Variants in ADAMTS17 observed in about 807,000 individuals in gnomAD.
ADAMTS17 encodes the protein A disintegrin and metalloproteinase with thrombospondin motifs 17.
A neutral mutation model predicts 141.5 loss-of-function variants in ADAMTS17; 113 were observed. The ratio of observed to expected loss-of-function variants is 0.80; its 90% CI spans 0.69 to 0.93. ADAMTS17 has a LOEUF of 0.93. ADAMTS17 is among the 40% of genes least tolerant of loss of function. The probability of loss-of-function intolerance (pLI) is 0.00; values close to 1 mark genes in which losing one functional copy is unlikely to be tolerated. For synonymous variants in ADAMTS17, 768 were observed against 630.6 expected, an observed-to-expected ratio of 1.22 and a Z score of -3.27; for missense variants, 1,659 against 1,517.9, an observed-to-expected ratio of 1.09 and a Z score of -1.54.
chr15:100,061,961 T>C (rs2033154247), intron 15 of ADAMTS17, among the ~76,000 whole-genome samples: 1 of 152,228 alleles, frequency 6.6e-6, no homozygotes, highest in East Asian at 1.9e-4. Flanking sequence ...CCAATGCAAA[T>C]GCTGGTGAGG....
intron 7 of ADAMTS17, among the ~76,000 whole-genome samples, chr15:100,200,514 C>T (rs941843237): frequency 6.6e-6 from 1 of 152,112 alleles, no homozygotes; most frequent in African/African-American, 2.4e-5. Context: ...CTTATCTCAA[C>T]AGGGCTCGCT....
chr15:100,069,438 T>C (rs1596340648), intron 15 of ADAMTS17, among the ~76,000 whole-genome samples: 2 of 152,150 alleles, frequency 1.3e-5, no homozygotes, highest in South Asian at 4.1e-4. Context: ...AGACACATAA[T>C]TGTCAGATTC....
intron 7 of ADAMTS17, among the ~76,000 whole-genome samples, chr15:100,210,373 G>A (rs1419736963): frequency 6.6e-6 from 1 of 151,528 alleles, no homozygotes; most frequent in Non-Finnish European, 1.5e-5. Context: ...AGAGTCCCAT[G>A]CGGGATCTCA....
intron 18 of ADAMTS17, among the ~76,000 whole-genome samples, chr15:100,048,487 T>A (rs562709797): frequency 3.8e-5 from 5 of 133,094 alleles, no homozygotes; most frequent in Admixed American, 3.1e-4. Flanking sequence ...TTAGCCTGTG[T>A]GCACCTTTCT....
At chr15:100,179,728 A>G (rs2040459818) in intron 8 of ADAMTS17, among the ~76,000 whole-genome samples, 1 of 152,210 alleles carries the variant, frequency 6.6e-6, no homozygotes, top group Non-Finnish European at 1.5e-5. Flanking sequence ...CTTTTGGATA[A>G]AAGCCTTTAT....
chr15:100,198,949 A>G (rs1356769402), intron 8 of ADAMTS17, among the ~76,000 whole-genome samples: 3 of 152,268 alleles, frequency 2.0e-5, no homozygotes, highest in African/African-American at 7.2e-5. Flanking sequence ...AGACATGGAA[A>G]GTCAACAGTA....
chr15:100,202,984 T>G (rs1331231051), intron 7 of ADAMTS17, among the ~76,000 whole-genome samples: 1 of 138,592 alleles, frequency 7.2e-6, no homozygotes, highest in Non-Finnish European at 1.5e-5. Context: ...TATTTAAAAA[T>G]TTTTAAAAAC....
At chr15:100,072,709 G>A (rs932578201) in intron 15 of ADAMTS17, among the ~76,000 whole-genome samples, 65 of 152,278 alleles carry the variant, frequency 4.3e-4, no homozygotes, top group African/African-American at 1.6e-3. Flanking sequence ...GCCATATGTA[G>A]AAAGCTGAAA....
chr15:100,139,932 T>C (rs1484114539), intron 10 of ADAMTS17, among the ~76,000 whole-genome samples: 1 of 152,220 alleles, frequency 6.6e-6, no homozygotes, highest in Non-Finnish European at 1.5e-5. Flanking sequence ...AATAGTATTG[T>C]ACCAAGCTTA....
chr15:100,315,465 A>G (rs2045535532), intron 3 of ADAMTS17, among the ~76,000 whole-genome samples: 1 of 150,118 alleles, frequency 6.7e-6, no homozygotes, highest in Admixed American at 6.6e-5. Flanking sequence ...AGGGCTTAAC[A>G]CAGCATAAAG....
At chr15:99,982,564 T>TGAG (rs1261192959) in intron 20 of ADAMTS17, among the ~76,000 whole-genome samples, 15 of 152,202 alleles carry the variant, frequency 9.9e-5, no homozygotes, top group Non-Finnish European at 1.9e-4. Flanking sequence ...AATTGAACAG[T>TGAG]GAGGAGACTG....
chr15:100,330,996 T>C lies in ADAMTS17; in HGVS notation c.509A>G (p.Gln170Arg), dbSNP rs779009106. 3 of 1,614,026 alleles carry C rather than the reference T, an allele frequency of 1.9e-6. No homozygotes were observed. The highest frequency in any genetic ancestry group is 1.6e-4 in the Middle Eastern group (1 of 6,084). ...ATGTTCTCGTCCACTGAATGGGCCC[T>C]GGGAGTTGTTGAGGGGCTGGATTAG... ...QVLIQPLNNS[Q>R]GPFSGREHLI... is the part of the protein sequence containing the mutation. The change falls in exon 3 of 22, where the codon CAG (glutamine) becomes CGG (arginine). Residue 170 changes from glutamine to arginine, a missense_variant. By Grantham distance (43) the Gln-to-Arg change is conservative. Transcript: ENST00000268070.
chr15:100,290,130 C>T (rs2044580530), intron 3 of ADAMTS17, among the ~76,000 whole-genome samples: 1 of 152,086 alleles, frequency 6.6e-6, no homozygotes, highest in African/African-American at 2.4e-5. Context: ...TCTCTACCCC[C>T]AAAAGCTCCT....
chr15:100,029,927 C>G (rs983870546), intron 18 of ADAMTS17, among the ~76,000 whole-genome samples: 1 of 152,218 alleles, frequency 6.6e-6, no homozygotes, highest in Non-Finnish European at 1.5e-5. Context: ...TCTGGATGTA[C>G]TGAATCAGAA....
intron 8 of ADAMTS17, among the ~76,000 whole-genome samples, chr15:100,194,303 A>G (rs998069357): frequency 6.6e-6 from 1 of 152,146 alleles, no homozygotes; most frequent in Non-Finnish European, 1.5e-5. Context: ...TCCTGCCAGC[A>G]GCTGCACTAG....
intron 18 of ADAMTS17, among the ~76,000 whole-genome samples, chr15:100,031,879 C>T (rs983256698): frequency 2.6e-5 from 4 of 152,124 alleles, no homozygotes; most frequent in African/African-American, 9.7e-5. Context: ...AAGTTCCTGA[C>T]AAATATTTGC....
At chr15:99,977,534 C>G (rs1327636324) in intron 20 of ADAMTS17, among the ~76,000 whole-genome samples, 2 of 148,838 alleles carry the variant, frequency 1.3e-5, no homozygotes, top group African/African-American at 5.0e-5. Context: ...CTGCCTCAGC[C>G]TTCTGAGTAG....
rs150308988 is a variant in ADAMTS17 at position 100,009,357 on chromosome 15, G to A, written c.2592-11768C>T. Among the ~76,000 whole-genome samples, 422 of 152,064 alleles carry A rather than the reference G, an allele frequency of 2.8e-3. 1 individual carries two copies. The highest frequency in any genetic ancestry group is 9.7e-3 in the African/African-American group (401 of 41,466). On this transcript the variant is annotated intron_variant, in intron 18 of 21. Coordinates refer to ENST00000268070, the MANE Select transcript of ADAMTS17 (RefSeq NM_139057.4). Reference sequence around the variant, plus strand: ...ATTCATATAATCCTACTTCCAGCACGGGTGCACCTGACTAGCCTCATCATG... The same window carrying A: ...ATTCATATAATCCTACTTCCAGCACAGGTGCACCTGACTAGCCTCATCATG...
intron 14 of ADAMTS17, among the ~76,000 whole-genome samples, chr15:100,102,562 G>A (rs982697120): frequency 6.6e-6 from 1 of 150,896 alleles, no homozygotes; most frequent in South Asian, 2.1e-4. Context: ...AAGGCCGACC[G>A]AAGGGGCTCT....
Sources: gnomAD v4.1 joint callset for allele counts (sites outside exome capture counted in the v4.1 genomes callset) on GRCh38, gnomAD v4.1.1 for gene constraint, MANE v1.5 for transcripts, NCBI Gene and HGNC (gene_info 2026-07-23, HGNC 2026-07-21) for gene names.